Variants in VGLL4 observed in about 807,000 individuals in gnomAD.
VGLL4 encodes the protein transcription cofactor vestigial-like protein 4.
Under a neutral mutation model 21.0 loss-of-function variants are expected in VGLL4, and 7 were observed. The observed-to-expected ratio is 0.33, with a 90% CI of 0.19 to 0.63. The LOEUF (loss-of-function observed/expected upper bound fraction) is 0.63. VGLL4 is among the 20% of genes least tolerant of loss of function. The pLI, the probability that VGLL4 is intolerant of heterozygous loss-of-function variation, is 0.78. For missense variants in VGLL4, 394 were observed against 425.7 expected, an observed-to-expected ratio of 0.93 and a Z score of 0.66; for synonymous variants, 222 against 173.2, an observed-to-expected ratio of 1.28 and a Z score of -2.21.
chr3:11,684,843 T>A, intron 2 of VGLL4, among the ~76,000 whole-genome samples: 1 of 152,158 alleles, frequency 6.6e-6, no homozygotes, highest in Non-Finnish European at 1.5e-5. Context: ...TTTTTGTGAT[T>A]TTTTTAAGTT....
At chr3:11,666,831 G>T (rs936306167) in intron 2 of VGLL4, among the ~76,000 whole-genome samples, 1 of 152,126 alleles carries the variant, frequency 6.6e-6, no homozygotes, top group Admixed American at 6.5e-5. Context: ...GTAATAAGTA[G>T]TTACTTACAA....
At chr3:11,596,618 AG>A (rs2074650893) in intron 2 of VGLL4, among the ~76,000 whole-genome samples, 4 of 152,230 alleles carry the variant, frequency 2.6e-5, no homozygotes, top group Non-Finnish European at 5.9e-5. Flanking sequence ...GAAAGGATCT[AG>A]AAACAGCACT....
chr3:11,628,315 G>A (rs1176913652), intron 1 of VGLL4, among the ~76,000 whole-genome samples: 1 of 151,814 alleles, frequency 6.6e-6, no homozygotes, highest in Non-Finnish European at 1.5e-5. Context: ...TTGAACCCGG[G>A]AGGCAGAGGT....
At chr3:11,633,615 A>T (rs2075528946) in intron 1 of VGLL4, 1 of 152,582 alleles carries the variant, frequency 6.6e-6, no homozygotes, top group South Asian at 2.1e-4. Context: ...GGTTGCAGTG[A>T]GCCGAGATCG....
chr3:11,713,392 C>T (rs1364409352), intron 1 of VGLL4, among the ~76,000 whole-genome samples: 6 of 151,888 alleles, frequency 4.0e-5, no homozygotes, highest in Admixed American at 6.6e-5. Context: ...CTCACGCTGC[C>T]GTAATTTGAA....
At chr3:11,670,625 CT>C (rs941934049) in intron 2 of VGLL4, among the ~76,000 whole-genome samples, 1 of 151,990 alleles carries the variant, frequency 6.6e-6, no homozygotes, top group Non-Finnish European at 1.5e-5. Flanking sequence ...CTGAGGCTTT[CT>C]TTTTTTTAAG....
At chr3:11,660,785 G>A (rs987154907) in intron 2 of VGLL4, among the ~76,000 whole-genome samples, 2 of 151,976 alleles carry the variant, frequency 1.3e-5, no homozygotes, top group African/African-American at 4.8e-5. Flanking sequence ...TCCAAGTACT[G>A]GAAGCATGTG....
intron 2 of VGLL4, among the ~76,000 whole-genome samples, chr3:11,663,624 G>A (rs780197133): frequency 5.9e-5 from 9 of 152,016 alleles, no homozygotes; most frequent in East Asian, 1.9e-4. Flanking sequence ...AGGCTGAGGC[G>A]GGAGAATAGC....
rs543963963 is a variant in VGLL4, at chr3:11,685,184, A to C, written c.64+17787T>G. Reference sequence around the variant, plus strand: ...ATCTCGTGCTTTTTTGTAGCTGCATAGTATTCCATGGTGTTGTTTTTTTTT... The same window carrying C: ...ATCTCGTGCTTTTTTGTAGCTGCATCGTATTCCATGGTGTTGTTTTTTTTT... On this transcript the variant is annotated intron_variant, in intron 2 of 5. Coordinates refer to the VGLL4 transcript ENST00000273038. 2.6e-4 allele frequency among the ~76,000 whole-genome samples: 39 copies of C among 147,636 alleles called. No individual in the cohort carries two copies. The South Asian group carries it at 8.4e-3, about 32-fold the overall frequency.
chr3:11,559,310 TGAG>T lies in VGLL4; in HGVS notation c.619+19_619+21del, dbSNP rs1288189418. 4 of 1,517,528 alleles carry T rather than the reference TGAG, an allele frequency of 2.6e-6. No individual in the cohort carries two copies. In the South Asian group the frequency reaches 3.8e-5, roughly 14 times the overall value. The allele number at this position is 1,517,528 out of a possible 1,614,324, so 94.0% of individuals were successfully genotyped here. A position where few individuals can be genotyped will look rare whatever the true frequency, so the allele number is the denominator to read the frequency against. On this transcript the variant is annotated intron_variant, in intron 4 of 4. Transcript: ENST00000430365. ...CTGCCACTAGCACAGCTGTGACAGG[TGAG>T]GAGGCCCGGGACACTCACCGCTCGG...
At chr3:11,600,007 G>A (rs1354423672) in intron 2 of VGLL4, among the ~76,000 whole-genome samples, 2 of 151,984 alleles carry the variant, frequency 1.3e-5, no homozygotes, top group African/African-American at 4.8e-5. Flanking sequence ...TTGATTAAAA[G>A]GCACATACTA....
chr3:11,708,431 A>G (rs1022005471), intron 1 of VGLL4, among the ~76,000 whole-genome samples: 2 of 152,216 alleles, frequency 1.3e-5, no homozygotes, highest in Non-Finnish European at 2.9e-5. Flanking sequence ...AGACCAACAC[A>G]CAAAAAAGCT....
intron 2 of VGLL4, among the ~76,000 whole-genome samples, chr3:11,679,455 C>A (rs1043527462): frequency 1.3e-5 from 2 of 152,046 alleles, no homozygotes; most frequent in African/African-American, 2.4e-5. Flanking sequence ...GAGGCCGAGG[C>A]GGGCGGATCA....
Position 11,582,947 on chromosome 3 carries a change from G to A in VGLL4, c.273-17928C>T, listed in dbSNP as rs1401867454. On this transcript the variant is annotated intron_variant, in intron 2 of 4. Transcript: ENST00000430365. The stretch of plus-strand genomic sequence containing the variant: ...CCACAGATGGTGACTCCAGGCACTG[G>A]AGAAGCAAAGGTGCCACAGCCATCC... Among the ~76,000 whole-genome samples, 3 of 152,326 alleles carry A rather than the reference G, an allele frequency of 2.0e-5. No homozygotes were observed. In the South Asian group the frequency reaches 6.2e-4, roughly 32 times the overall value.
chr3:11,564,239 T>C (rs2073312913), intron 3 of VGLL4, among the ~76,000 whole-genome samples: 1 of 152,214 alleles, frequency 6.6e-6, no homozygotes, highest in Non-Finnish European at 1.5e-5. Context: ...ATCATTTAAT[T>C]TCCTATTTTC....
intron 2 of VGLL4, among the ~76,000 whole-genome samples, chr3:11,583,316 G>A (rs2074284877): frequency 6.6e-6 from 1 of 152,146 alleles, no homozygotes; most frequent in African/African-American, 2.4e-5. Context: ...TAGCATTTCT[G>A]TTCTGGTGAA....
intron 1 of VGLL4, among the ~76,000 whole-genome samples, chr3:11,703,690 G>A (rs2076716354): frequency 6.6e-6 from 1 of 152,062 alleles, no homozygotes; most frequent in Admixed American, 6.6e-5. Flanking sequence ...TTTAAAGCTC[G>A]AGGAAAGCCC....
intron 1 of VGLL4, among the ~76,000 whole-genome samples, chr3:11,605,805 G>A (rs769700759): frequency 6.6e-6 from 1 of 152,102 alleles, no homozygotes; most frequent in Non-Finnish European, 1.5e-5. Context: ...AGAGCTTTAG[G>A]ATATGTTAAA....
At chr3:11,694,907 A>G (rs983471499) in intron 2 of VGLL4, among the ~76,000 whole-genome samples, 2 of 152,220 alleles carry the variant, frequency 1.3e-5, no homozygotes, top group African/African-American at 4.8e-5. Flanking sequence ...TTTATTGGCT[A>G]TATTTAGTTT....
Sources: allele counts gnomAD v4.1 joint callset (sites outside exome capture counted in the v4.1 genomes callset), GRCh38; gene constraint gnomAD v4.1.1; transcripts MANE v1.5; gene names NCBI Gene and HGNC (gene_info 2026-07-23, HGNC 2026-07-21).